Variants in CNNM4 observed in about 807,000 individuals in gnomAD.
CNNM4 encodes the protein metal transporter CNNM4.
A neutral mutation model predicts 53.7 loss-of-function variants in CNNM4; 32 were observed. The observed-to-expected ratio is 0.60, with a 90% CI of 0.45 to 0.80. The LOEUF (loss-of-function observed/expected upper bound fraction) is 0.80. CNNM4 is among the 30% of genes least tolerant of loss of function. The probability of loss-of-function intolerance (pLI) is 0.00; values close to 1 mark genes in which losing one functional copy is unlikely to be tolerated. For missense variants in CNNM4, 784 were observed against 1,022.0 expected, an observed-to-expected ratio of 0.77 and a Z score of 3.17; for synonymous variants, 410 against 440.0, an observed-to-expected ratio of 0.93 and a Z score of 0.85.
chr2:96,792,826 G>A (rs1012171895), intron 1 of CNNM4, among the ~76,000 whole-genome samples: 148 of 152,036 alleles, frequency 9.7e-4, no homozygotes, highest in Non-Finnish European at 4.4e-5. Flanking sequence ...AGGAGGTCAG[G>A]CTCACCGTCC....
At chr2:96,770,872 G>A (rs534336501) in intron 1 of CNNM4, among the ~76,000 whole-genome samples, 1 of 152,330 alleles carries the variant, frequency 6.6e-6, no homozygotes, top group South Asian at 2.1e-4. Context: ...GGCCTCTGTC[G>A]CTGCCTTGGT....
chr2:96,793,358 C>G (rs760252554), intron 1 of CNNM4, among the ~76,000 whole-genome samples: 59 of 152,218 alleles, frequency 3.9e-4, no homozygotes, highest in Non-Finnish European at 7.1e-4. Context: ...CCCAGGGGCC[C>G]AAAGCTCACC....
chr2:96,774,126 G>A (rs940893741), intron 1 of CNNM4, among the ~76,000 whole-genome samples: 4 of 152,172 alleles, frequency 2.6e-5, no homozygotes, highest in Non-Finnish European at 4.4e-5. Flanking sequence ...TCCGACTGCA[G>A]GAGCGTCATG....
At chr2:96,765,662 A>AGT (rs777017860) in intron 1 of CNNM4, among the ~76,000 whole-genome samples, 17 of 152,066 alleles carry the variant, frequency 1.1e-4, no homozygotes, top group Non-Finnish European at 1.9e-4. Flanking sequence ...ATGCCTTCTT[A>AGT]GTGTTTTCAC....
Position 96,797,533 on chromosome 2 carries a change from C to T in CNNM4, c.1567C>T (p.Arg523Trp), listed in dbSNP as rs145764649. The T allele has an allele frequency of 6.8e-6, 11 of 1,614,064 alleles. No homozygotes were observed. In the African/African-American group the frequency reaches 8.0e-5, roughly 12 times the overall value. ...GGCAGCTGACAACCGAAGCCGGAAGCGGGTGTCTGAGAAGAACAAGCGTGA... is the reference window on the plus strand; with the variant it reads ...GGCAGCTGACAACCGAAGCCGGAAGTGGGTGTCTGAGAAGAACAAGCGTGA... ...DMYTDNRSRK[R>W]VSEKNKRDFS... The change falls in exon 3 of 7, where the codon CGG (arginine) becomes TGG (tryptophan). Residue 523 changes from arginine to tryptophan, a missense_variant. Arg to Trp is a moderately radical substitution (Grantham distance 101). Around this residue, in one of 3 missense-constraint regions of CNNM4, gnomAD observed 307 missense variants for 376.3 expected, o/e 0.82. Coordinates refer to ENST00000377075, the MANE Select transcript of CNNM4 (RefSeq NM_020184.4). This position sits in a 1 kb window ranked among gnomAD's most constrained non-coding sequence, Gnocchi z 6.0.
rs972872559 is a variant in CNNM4 at position 96,762,266 on chromosome 2, T to C, written c.1267T>C (p.Tyr423His). ...GCAGTCCAATATTGTAGATATTCTC[T>C]ACGTCAAAGACTTGGCCTTTGTGGA... ...DEQSNIVDIL[Y>H]VKDLAFVDPD... Residue 423 changes from tyrosine to histidine, a missense_variant, in exon 1 of 7, where the codon TAC (tyrosine) becomes CAC (histidine). Physicochemically the swap from Tyr to His is moderately conservative, Grantham distance 83. Around this residue, in one of 3 missense-constraint regions of CNNM4, gnomAD observed 473 missense variants for 624.6 expected, o/e 0.76. Transcript: ENST00000377075. 3 of 1,614,090 alleles carry C rather than the reference T, an allele frequency of 1.9e-6. No individual in the cohort carries two copies. Among genetic ancestry groups the C allele is most frequent in the South Asian group, 1.1e-5 (1 of 91,082 alleles).
At chr2:96,795,537 A>G (rs2153348932) in intron 1 of CNNM4, among the ~76,000 whole-genome samples, 1 of 152,014 alleles carries the variant, frequency 6.6e-6, no homozygotes, top group Admixed American at 6.6e-5. Context: ...TACTTTAGTC[A>G]TGAGACCTCA....
chr2:96,793,017 T>G (rs1183479942), intron 1 of CNNM4, among the ~76,000 whole-genome samples: 1 of 152,110 alleles, frequency 6.6e-6, no homozygotes, highest in East Asian at 1.9e-4. Flanking sequence ...TTTGGGACAC[T>G]TGTACACTTG....
At chr2:96,767,466 T>C (rs2078829031) in intron 1 of CNNM4, among the ~76,000 whole-genome samples, 1 of 152,152 alleles carries the variant, frequency 6.6e-6, no homozygotes, top group Non-Finnish European at 1.5e-5. Flanking sequence ...GTGTTTTGCC[T>C]TCACCACTCT....
At chr2:96,772,813 C>A (rs1402407119) in intron 1 of CNNM4, among the ~76,000 whole-genome samples, 1 of 148,916 alleles carries the variant, frequency 6.7e-6, no homozygotes, top group Non-Finnish European at 1.5e-5. Flanking sequence ...ACACTCATAC[C>A]CGCACATAGG....
intron 1 of CNNM4, among the ~76,000 whole-genome samples, chr2:96,790,358 TTA>T (rs2079051230): frequency 6.7e-6 from 1 of 148,436 alleles, no homozygotes; most frequent in African/African-American, 2.5e-5. Context: ...GTTTGTTTAT[TTA>T]TTTGTTTTTT....
intron 1 of CNNM4, among the ~76,000 whole-genome samples, chr2:96,790,257 C>T (rs570361831): frequency 2.0e-5 from 3 of 152,122 alleles, no homozygotes; most frequent in South Asian, 2.1e-4. Context: ...CCACGCGCCT[C>T]GGTCTCCCAA....
chr2:96,801,898 A>G lies in CNNM4; in HGVS notation c.1948+2250A>G, dbSNP rs1363406030. Among the ~76,000 whole-genome samples, 1 of 151,874 alleles carries G rather than the reference A, an allele frequency of 6.6e-6. No individual in the cohort carries two copies. The highest frequency in any genetic ancestry group is 2.4e-5 in the African/African-American group (1 of 41,298). On this transcript the variant is annotated intron_variant, in intron 5 of 6. Coordinates refer to ENST00000377075, the MANE Select transcript of CNNM4 (RefSeq NM_020184.4). The surrounding 1 kb of genome is among the most constrained non-coding windows in gnomAD (Gnocchi z 5.6). ...AACACCCGTAGACACACCAGGATAC[A>G]CATACACACATAGATACACCACTCA...
intron 1 of CNNM4, among the ~76,000 whole-genome samples, chr2:96,784,762 A>G (rs1287002127): frequency 5.9e-5 from 9 of 152,202 alleles, no homozygotes; most frequent in African/African-American, 2.2e-4. Context: ...AGTGGGATTG[A>G]CAGTAGATGT....
chr2:96,809,202 T>C (rs1266229854), intron 6 of CNNM4, 118 bp from the exon 7 acceptor site: 2 of 1,548,138 alleles, frequency 1.3e-6, no homozygotes, highest in East Asian at 2.4e-5. Flanking sequence ...CCAGAGACGC[T>C]GACTGGTCAT....
rs373948256 is a variant in CNNM4 at position 96,799,521 on chromosome 2, G to A, written c.1852-31G>A. On this transcript the variant is annotated intron_variant, in intron 4 of 6. Coordinates refer to ENST00000377075, the MANE Select transcript of CNNM4 (RefSeq NM_020184.4). Reference sequence around the variant, plus strand: ...TCATCCTTTGTTTCCTCCCTCACTTGGTCTCTAACTCCAGCCCTGTGTTTT... The same window carrying A: ...TCATCCTTTGTTTCCTCCCTCACTTAGTCTCTAACTCCAGCCCTGTGTTTT... 4.8e-5 allele frequency: 73 copies of A among 1,531,772 alleles called. No homozygotes were observed. The African/African-American group carries it at 8.4e-4, about 18-fold the overall frequency. The allele number at this position is 1,531,772 out of a possible 1,614,324, so 94.9% of individuals were successfully genotyped here. A position where few individuals can be genotyped will look rare whatever the true frequency, so the allele number is the denominator to read the frequency against.
chr2:96,795,725 C>T (rs1048699679), intron 1 of CNNM4, among the ~76,000 whole-genome samples: 3 of 152,162 alleles, frequency 2.0e-5, no homozygotes, highest in African/African-American at 7.2e-5. Flanking sequence ...ATGCAGAAGA[C>T]CCTGACTTGA....
chr2:96,795,123 G>C (rs1175338611), intron 1 of CNNM4, among the ~76,000 whole-genome samples: 1 of 152,260 alleles, frequency 6.6e-6, no homozygotes, highest in Non-Finnish European at 1.5e-5. Flanking sequence ...GGGATACTCA[G>C]CCTGTCAAAG....
chr2:96,771,554 T>A (rs1478766435), intron 1 of CNNM4, among the ~76,000 whole-genome samples: 1 of 151,602 alleles, frequency 6.6e-6, no homozygotes, highest in Non-Finnish European at 1.5e-5. Context: ...TTTAGACAAA[T>A]ACAAAAAATT....
Sources: allele counts gnomAD v4.1 joint callset (sites outside exome capture counted in the v4.1 genomes callset), GRCh38; gene constraint gnomAD v4.1.1; regional missense constraint gnomAD v4.1.1; non-coding constraint Gnocchi (gnomAD v3.1); transcripts MANE v1.5; gene names NCBI Gene and HGNC (gene_info 2026-07-23, HGNC 2026-07-21).